SLC25A37: variants seen among roughly 807,000 people sequenced by gnomAD.
SLC25A37 encodes the protein solute carrier family 25 member 37.
A neutral mutation model predicts 31.0 loss-of-function variants in SLC25A37; 17 were observed. The ratio of observed to expected loss-of-function variants is 0.55; its 90% CI spans 0.38 to 0.82. SLC25A37 has a LOEUF of 0.82. Among genes scored for constraint, SLC25A37 ranks in the 40% least tolerant of loss-of-function variants. The probability of loss-of-function intolerance (pLI) is 0.00; values close to 1 mark genes in which losing one functional copy is unlikely to be tolerated. For synonymous variants in SLC25A37, 222 were observed against 193.0 expected, an observed-to-expected ratio of 1.15 and a Z score of -1.24; for missense variants, 404 against 465.8, an observed-to-expected ratio of 0.87 and a Z score of 1.22.
intron 1 of SLC25A37, among the ~76,000 whole-genome samples, chr8:23,557,559 T>C (rs895350713): frequency 2.0e-5 from 3 of 152,160 alleles, no homozygotes; most frequent in African/African-American, 7.2e-5. Flanking sequence ...AACCAGCTCC[T>C]TGGTCTGATC....
intron 1 of SLC25A37, among the ~76,000 whole-genome samples, chr8:23,553,486 A>C (rs2117425519): frequency 1.3e-5 from 2 of 152,324 alleles, no homozygotes; most frequent in South Asian, 4.1e-4. Context: ...TTTCTTCCTT[A>C]CTTATGAGTG....
intron 1 of SLC25A37, among the ~76,000 whole-genome samples, chr8:23,553,422 A>G (rs1290739834): frequency 7.1e-6 from 1 of 140,014 alleles, no homozygotes; most frequent in African/African-American, 2.8e-5. Context: ...CTCCGTCTCA[A>G]AAAAGAAAAA....
rs554933469 is a variant in SLC25A37, at chr8:23,534,104, A to T, written c.210+4892A>T. Reference sequence around the variant, plus strand: ...GCTGGGACTACAGGCACATGCCACCATGCCTGGCTAATTTTTTTGTATTTT... The same window carrying T: ...GCTGGGACTACAGGCACATGCCACCTTGCCTGGCTAATTTTTTTGTATTTT... On this transcript the variant is annotated intron_variant, in intron 1 of 3. Transcript: ENST00000519973. 5.3e-5 allele frequency among the ~76,000 whole-genome samples: 8 copies of T among 152,214 alleles called. No individual in the cohort carries two copies. In the South Asian group the frequency reaches 1.7e-3, roughly 32 times the overall value.
chr8:23,539,586 G>T (rs1294475511), intron 1 of SLC25A37, among the ~76,000 whole-genome samples: 1 of 152,208 alleles, frequency 6.6e-6, no homozygotes, highest in African/African-American at 2.4e-5. Flanking sequence ...GTGAATTTAA[G>T]TCCTGGTCCT....
rs112677419 is a variant in SLC25A37, at chr8:23,568,899, C to T, written c.496+521C>T. On this transcript the variant is annotated intron_variant, in intron 3 of 3. Coordinates refer to ENST00000519973, the MANE Select transcript of SLC25A37 (RefSeq NM_016612.4). ...CAGAGGTTGCAGTGCACCGAGAGTA[C>T]GCCACTGTACTCCAGCCTGGGCCAC... is the stretch of plus-strand genomic sequence containing the variant. 529 of 152,416 alleles carry T rather than the reference C, an allele frequency of 3.5e-3. 5 individuals carry two copies. The highest frequency in any genetic ancestry group is 0.012 in the African/African-American group (486 of 39,544). 9.4% of individuals were successfully genotyped at this position (152,416 alleles called of 1,614,324 possible).
intron 1 of SLC25A37, among the ~76,000 whole-genome samples, chr8:23,548,271 C>T (rs564909322): frequency 3.3e-5 from 5 of 152,078 alleles, no homozygotes; most frequent in African/African-American, 9.6e-5. Context: ...CTCTGCCTCC[C>T]GGGTTCAAGC....
intron 1 of SLC25A37, among the ~76,000 whole-genome samples, chr8:23,553,442 CAA>C (rs55996201): frequency 2.7e-5 from 4 of 149,948 alleles, no homozygotes; most frequent in Admixed American, 6.7e-5. Context: ...AAACAAAAAA[CAA>C]AAAAAAAACC....
intron 3 of SLC25A37, among the ~76,000 whole-genome samples, chr8:23,570,042 G>A (rs1802778645): frequency 7.0e-6 from 1 of 142,654 alleles, no homozygotes; most frequent in Admixed American, 7.2e-5. Flanking sequence ...GCAGATAGAG[G>A]ACTTGGTCTG....
Position 23,529,934 on chromosome 8 carries a change from T to C in SLC25A37, c.210+722T>C, listed in dbSNP as rs1336068273. Among the ~76,000 whole-genome samples the C allele has an allele frequency of 6.6e-6, 1 of 152,064 alleles. No individual in the cohort carries two copies. Among genetic ancestry groups the C allele is most frequent in the African/African-American group, 2.4e-5 (1 of 41,404 alleles). ...GGCTTGTGCCTTACAGCCCTTGCTG[T>C]GGATTGTGTGAGAGGCACTCAGTTT... is the stretch of plus-strand genomic sequence containing the variant. On this transcript the variant is annotated intron_variant, in intron 1 of 3. Coordinates refer to ENST00000519973, the MANE Select transcript of SLC25A37 (RefSeq NM_016612.4). The surrounding 1 kb of genome is among the most constrained non-coding windows in gnomAD (Gnocchi z 4.1).
At chr8:23,538,513 G>A (rs764145616) in intron 1 of SLC25A37, among the ~76,000 whole-genome samples, 1 of 148,700 alleles carries the variant, frequency 6.7e-6, no homozygotes, top group African/African-American at 2.6e-5. Flanking sequence ...TCTTGGCTCC[G>A]TTGTTTGTCG....
chr8:23,562,356 A>G (rs7830129), intron 1 of SLC25A37, among the ~76,000 whole-genome samples: 52,724 of 152,106 alleles, frequency 0.35, 9,446 homozygotes, highest in African/African-American at 0.42. Flanking sequence ...GTCCAAATTA[A>G]AGGTGATGGC....
At chr8:23,555,189 G>A (rs1802331215) in intron 1 of SLC25A37, among the ~76,000 whole-genome samples, 1 of 152,150 alleles carries the variant, frequency 6.6e-6, no homozygotes, top group African/African-American at 2.4e-5. Flanking sequence ...ACATCCTCCT[G>A]CAGCGGGAAT....
In SLC25A37 at chr8:23,530,903, C is replaced by T. The variant is rs776363924; in HGVS notation, c.210+1691C>T. Among the ~76,000 whole-genome samples the T allele has an allele frequency of 5.3e-5, 8 of 152,154 alleles. No homozygotes were observed. The South Asian group carries it at 1.4e-3, about 28-fold the overall frequency. Reference sequence around the variant, plus strand: ...ACACTCTCAAGAGGCGTTTCTCACACGTTTAAATTGTGTGATCTGTGTTTA... The same window carrying T: ...ACACTCTCAAGAGGCGTTTCTCACATGTTTAAATTGTGTGATCTGTGTTTA... On this transcript the variant is annotated intron_variant, in intron 1 of 3. Transcript: ENST00000519973.
At chr8:23,559,772 C>G (rs149102434) in intron 1 of SLC25A37, among the ~76,000 whole-genome samples, 35 of 152,300 alleles carry the variant, frequency 2.3e-4, no homozygotes, top group Non-Finnish European at 4.3e-4. Flanking sequence ...GTGACTGGCT[C>G]CTTTCACTTA....
chr8:23,561,811 G>C (rs1420563426), intron 1 of SLC25A37, among the ~76,000 whole-genome samples: 1 of 152,230 alleles, frequency 6.6e-6, no homozygotes, highest in Non-Finnish European at 1.5e-5. Context: ...GTGTGTGCTA[G>C]GGTGGTGTCT....
At chr8:23,547,960 A>T (rs1042541230) in intron 1 of SLC25A37, among the ~76,000 whole-genome samples, 2 of 152,106 alleles carry the variant, frequency 1.3e-5, no homozygotes, top group Admixed American at 6.5e-5. Context: ...CAGGAAGCTG[A>T]GTCATCCAGG....
At chr8:23,539,829 T>C (rs1801853842) in intron 1 of SLC25A37, among the ~76,000 whole-genome samples, 1 of 152,260 alleles carries the variant, frequency 6.6e-6, no homozygotes, top group Admixed American at 6.5e-5. Context: ...GCACAACCTC[T>C]GCAGCCAGAC....
chr8:23,572,203 T>TAAAAAAAAAAAAAAAAA lies in SLC25A37; in HGVS notation c.*377_*393dup, dbSNP rs540950017. 3 of 85,754 alleles carry TAAAAAAAAAAAAAAAAA rather than the reference T, an allele frequency of 3.5e-5. No homozygotes were observed. The highest frequency in any genetic ancestry group is 3.2e-4 in the East Asian group (1 of 3,128). The allele number at this position is 85,754 out of a possible 1,614,324, so 5.3% of individuals were successfully genotyped here. ...GAAAATTTGCAGTGACTGAAAACAGTAAAAAAAAAAAAAAAAAAAAAAAAA... is the reference window on the plus strand; with the variant it reads ...GAAAATTTGCAGTGACTGAAAACAGTAAAAAAAAAAAAAAAAAAAAAAAAAAAAAAAAAAAAAAAAAA... On this transcript the variant is annotated 3_prime_UTR_variant, in exon 4 of 4. Coordinates refer to ENST00000519973, the MANE Select transcript of SLC25A37 (RefSeq NM_016612.4).
Position 23,571,933 on chromosome 8 carries a change from T to G in SLC25A37, c.*78T>G. ...CCCTTGCCCTCTCCTCACACGTAGA[T>G]CATTTTTTTTTTGCAGGGTGCTGCC... is the stretch of plus-strand genomic sequence containing the variant. On this transcript the variant is annotated 3_prime_UTR_variant, in exon 4 of 4. Coordinates refer to ENST00000519973, the MANE Select transcript of SLC25A37 (RefSeq NM_016612.4). 3 of 1,426,428 alleles carry G rather than the reference T, an allele frequency of 2.1e-6. No individual in the cohort carries two copies. The highest frequency in any genetic ancestry group is 2.8e-6 in the Non-Finnish European group (3 of 1,062,106). 88.4% of individuals were successfully genotyped at this position (1,426,428 alleles called of 1,614,324 possible).
Sources: gnomAD v4.1 joint callset for allele counts (sites outside exome capture counted in the v4.1 genomes callset) on GRCh38, gnomAD v4.1.1 for gene constraint, Gnocchi (gnomAD v3.1) non-coding constraint, MANE v1.5 for transcripts, NCBI Gene and HGNC (gene_info 2026-07-23, HGNC 2026-07-21) for gene names.